Variants in AKAP8 observed in about 807,000 individuals in gnomAD.
AKAP8 encodes A-kinase anchoring protein 8, also known as A-kinase anchor protein 8.
A neutral mutation model predicts 67.5 loss-of-function variants in AKAP8; 24 were observed. That is an observed-to-expected ratio of 0.36 (90% CI 0.26 to 0.50). The LOEUF (loss-of-function observed/expected upper bound fraction) is 0.50, where lower values mean the gene tolerates loss of function less well. Ranked by LOEUF, AKAP8 falls within the 20% of genes least tolerant of loss-of-function variation. The pLI, the probability that AKAP8 is intolerant of heterozygous loss-of-function variation, is 0.97. For synonymous variants in AKAP8, 400 were observed against 371.1 expected, an observed-to-expected ratio of 1.08 and a Z score of -0.90; for missense variants, 971 against 955.9, an observed-to-expected ratio of 1.02 and a Z score of -0.21.
intron 2 of AKAP8, among the ~76,000 whole-genome samples, chr19:15,375,299 A>G (rs368538188): frequency 6.6e-6 from 1 of 152,188 alleles, no homozygotes. Flanking sequence ...GGGATCTGCA[A>G]AAAGTCCAGC....
intron 1 of AKAP8, among the ~76,000 whole-genome samples, chr19:15,378,093 C>T (rs1406694857): frequency 6.6e-6 from 1 of 152,216 alleles, no homozygotes; most frequent in Non-Finnish European, 1.5e-5. Flanking sequence ...CGATACACCG[C>T]AAGCACCCAG....
intron 9 of AKAP8, among the ~76,000 whole-genome samples, chr19:15,364,770 G>A (rs1353566185): frequency 5.9e-5 from 9 of 152,118 alleles, no homozygotes; most frequent in South Asian, 2.1e-4. Context: ...GATTACAGGC[G>A]TGAGCCACCG....
rs749719533 is a variant in AKAP8, at chr19:15,374,686, T to C, written c.59-51A>G. 2.7e-5 allele frequency: 43 copies of C among 1,603,596 alleles called. No homozygotes were observed. The South Asian group carries it at 4.3e-4, about 16-fold the overall frequency. On this transcript the variant is annotated intron_variant, in intron 2 of 13. Transcript: ENST00000269701. The stretch of plus-strand genomic sequence containing the variant: ...AGCCCTGTTTGCAGAACGAAGGCAC[T>C]GACACCCCAGCTGTCACCTTGCTCC...
chr19:15,374,470 G>A (rs2145085573), intron 3 of AKAP8, 133 bp downstream of exon 3: 2 of 1,105,684 alleles, frequency 1.8e-6, no homozygotes, highest in African/African-American at 1.6e-5. Context: ...CACAACAGCA[G>A]CCGTGGCTGA....
rs936816103 is a variant in AKAP8, at chr19:15,371,365, G to A, written c.1038+587C>T. On this transcript the variant is annotated intron_variant, in intron 7 of 13. Transcript: ENST00000269701. ...CAGCGGCACCCGGCACGGAGCTGGC[G>A]GCAAATGAGCCTCCAGCCTGTGCTT... Among the ~76,000 whole-genome samples the A allele has an allele frequency of 7.7e-4, 118 of 152,300 alleles. 1 individual carries two copies. The highest frequency in any genetic ancestry group is 2.4e-3 in the African/African-American group (98 of 41,562).
chr19:15,374,151 C>T, intron 3 of AKAP8, 86 bp from the exon 4 acceptor site: 16 of 1,456,014 alleles, frequency 1.1e-5, no homozygotes, highest in Non-Finnish European at 1.5e-5. Context: ...GCACCCGCTG[C>T]CACGGAGAAG....
chr19:15,368,466 C>A, intron 8 of AKAP8, 144 bp from the exon 9 acceptor site: 1 of 1,538,850 alleles, frequency 6.5e-7, no homozygotes. Flanking sequence ...CAGGATGCCC[C>A]AAGGCACTGT....
intron 11 of AKAP8, 30 bp from the exon 12 acceptor site, chr19:15,361,008 T>C (rs746268483): frequency 1.9e-6 from 3 of 1,604,572 alleles, no homozygotes; most frequent in Non-Finnish European, 2.6e-6. Context: ...TTGTAGGATC[T>C]GGGACAGCAA....
At chr19:15,370,717 T>C (rs1967141589) in intron 7 of AKAP8, among the ~76,000 whole-genome samples, 1 of 139,806 alleles carries the variant, frequency 7.2e-6, no homozygotes, top group Admixed American at 7.9e-5. Context: ...CTGCAACCTC[T>C]GCTTCCTGGG....
intron 13 of AKAP8, among the ~76,000 whole-genome samples, chr19:15,355,898 G>A (rs1367153859): frequency 6.6e-6 from 1 of 152,072 alleles, no homozygotes; most frequent in East Asian, 2.0e-4. Context: ...CACCACGCCC[G>A]GCTAATTTTG....
chr19:15,355,859 C>T (rs1380316151), intron 13 of AKAP8, among the ~76,000 whole-genome samples: 4 of 151,994 alleles, frequency 2.6e-5, no homozygotes, highest in Admixed American at 2.0e-4. Context: ...GCCTCAGCCT[C>T]CTGAGTAGCT....
chr19:15,372,470 G>C (rs1367024246), intron 5 of AKAP8, 123 bp from the exon 6 acceptor site: 25 of 1,339,780 alleles, frequency 1.9e-5, no homozygotes, highest in Non-Finnish European at 2.5e-5. Flanking sequence ...AAAAAGCAAA[G>C]AGACAACATA....
At chr19:15,365,021 G>A (rs1967046582) in intron 9 of AKAP8, among the ~76,000 whole-genome samples, 1 of 152,212 alleles carries the variant, frequency 6.6e-6, no homozygotes, top group African/African-American at 2.4e-5. Context: ...CAGGCTTGCA[G>A]GTATCTCAGG....
chr19:15,373,072 C>T lies in AKAP8; in HGVS notation c.640G>A (p.Ala214Thr), dbSNP rs1326927523. 11 of 1,609,316 alleles carry T rather than the reference C, an allele frequency of 6.8e-6. No individual in the cohort carries two copies. Among genetic ancestry groups the T allele is most frequent in the South Asian group, 3.3e-5 (3 of 90,604 alleles). ...GTGGACAGGGGCTCAGAGGACGCAG[C>T]GGGGGGCACGAAGGGGTCGCTGCGC... is the stretch of plus-strand genomic sequence containing the variant. ...FMRSDPFVPP[A>T]ASSEPLSTPW... Residue 214 changes from alanine to threonine, a missense_variant, in exon 5 of 14, where the codon GCT (alanine) becomes ACT (threonine). This residue lies in a region of AKAP8 where 763 missense variants were observed against 745.4 expected (regional missense o/e 1.02). Coordinates refer to ENST00000269701, the MANE Select transcript of AKAP8 (RefSeq NM_005858.4).
chr19:15,373,379 G>T, intron 4 of AKAP8, 39 bp from the exon 5 acceptor site: 3 of 1,561,530 alleles, frequency 1.9e-6, no homozygotes, highest in Non-Finnish European at 2.6e-6. Flanking sequence ...CGGTCACCCC[G>T]ATCACCCACT....
chr19:15,365,360 C>CA (rs1275078319), intron 9 of AKAP8, among the ~76,000 whole-genome samples: 2 of 152,242 alleles, frequency 1.3e-5, no homozygotes, highest in African/African-American at 4.8e-5. Flanking sequence ...TTCTTTGTCA[C>CA]AGGCTTTCAA....
rs1204897778 is a variant in AKAP8, at chr19:15,363,532, T to TG, written c.1161-1282dup. 7.2e-4 allele frequency among the ~76,000 whole-genome samples: 84 copies of TG among 117,396 alleles called. 1 individual carries two copies. The highest frequency in any genetic ancestry group is 2.3e-3 in the African/African-American group (67 of 28,850). The allele number at this position is 117,396 out of a possible 152,430, so 77.0% of individuals were successfully genotyped here. Reference sequence around the variant, plus strand: ...CCAGCCGCACCGTCCGGGAGGGAGGTGGGGGGGTCAGCCCCCTCGCCCAGC... The same window carrying TG: ...CCAGCCGCACCGTCCGGGAGGGAGGTGGGGGGGGTCAGCCCCCTCGCCCAGC... On this transcript the variant is annotated intron_variant, in intron 9 of 13. Transcript: ENST00000269701.
intron 3 of AKAP8, 34 bp from the exon 4 acceptor site, chr19:15,374,099 G>A (rs759731591): frequency 6.6e-7 from 1 of 1,524,264 alleles, no homozygotes; most frequent in African/African-American, 1.4e-5. Flanking sequence ...TCAGACTTCA[G>A]CAGCCACGAG....
At chr19:15,374,967 G>T (rs529406644) in intron 2 of AKAP8, among the ~76,000 whole-genome samples, 2 of 152,302 alleles carry the variant, frequency 1.3e-5, no homozygotes, top group South Asian at 4.1e-4. Context: ...CCTCGTAAAG[G>T]GTCAGTTCCC....
Sources: allele counts gnomAD v4.1 joint callset (sites outside exome capture counted in the v4.1 genomes callset), GRCh38; gene constraint gnomAD v4.1.1; regional missense constraint gnomAD v4.1.1; transcripts MANE v1.5; gene names NCBI Gene and HGNC (gene_info 2026-07-23, HGNC 2026-07-21).